Variants in DRC9 observed in about 807,000 individuals in gnomAD.
The protein encoded by DRC9 is dynein regulatory complex protein 9.
the DRC9 span, among the ~76,000 whole-genome samples, chr3:197,952,888 A>G: frequency 6.6e-6 from 1 of 151,194 alleles, no homozygotes; most frequent in Non-Finnish European, 1.5e-5. Context: ...GCTGGAGTGC[A>G]GTGGTGTGAT....
At chr3:197,943,757 T>G in the DRC9 span, 1 of 1,595,186 alleles carries the variant, frequency 6.3e-7, no homozygotes, top group African/African-American at 1.3e-5. Context: ...CAAAATTAAC[T>G]CATGGTGAGT....
At chr3:197,893,357 CAAAAA>C in the DRC9 span, among the ~76,000 whole-genome samples, 2 of 43,276 alleles carry the variant, frequency 4.6e-5, no homozygotes, top group African/African-American at 2.0e-4. Context: ...AACTCCGTCT[CAAAAA>C]AAAAAAAAAA....
the DRC9 span, among the ~76,000 whole-genome samples, chr3:197,934,309 C>T: frequency 6.6e-5 from 10 of 150,622 alleles, no homozygotes; most frequent in Non-Finnish European, 1.2e-4. Context: ...CTCAGCCTCC[C>T]GAGGAGCTGG....
At chr3:197,944,824 G>A in the DRC9 span, among the ~76,000 whole-genome samples, 1 of 151,722 alleles carries the variant, frequency 6.6e-6, no homozygotes, top group Non-Finnish European at 1.5e-5. Flanking sequence ...CAGGTGATCT[G>A]CCCAACTCAG....
chr3:197,910,030 T>G, the DRC9 span, among the ~76,000 whole-genome samples: 42 of 151,998 alleles, frequency 2.8e-4, no homozygotes, highest in Non-Finnish European at 4.7e-4. Flanking sequence ...AGAATAGGTA[T>G]GTTTTTAGGT....
the DRC9 span, among the ~76,000 whole-genome samples, chr3:197,944,512 G>T: frequency 6.6e-6 from 1 of 151,330 alleles, no homozygotes. Flanking sequence ...GCAGTAGCGC[G>T]ATCTTGGCTC....
the DRC9 span, chr3:197,938,469 G>A: frequency 1.3e-5 from 13 of 964,936 alleles, no homozygotes; most frequent in African/African-American, 1.3e-4. Flanking sequence ...GTAGACGATA[G>A]CAGTCAGCCA....
chr3:197,932,867 A>ATAATATACATTATATATGTG, the DRC9 span, among the ~76,000 whole-genome samples: 1 of 136,974 alleles, frequency 7.3e-6, no homozygotes, highest in African/African-American at 2.8e-5. Context: ...TTATATATGT[A>ATAATATACATTATATATGTG]TAATATATAT....
chr3:197,891,856 G>A, the DRC9 span, among the ~76,000 whole-genome samples: 3 of 152,270 alleles, frequency 2.0e-5, no homozygotes, highest in African/African-American at 4.8e-5. Context: ...TTGGGAGAAT[G>A]TACATACACA....
At chr3:197,953,944 T>C in the DRC9 span, 1 of 1,595,802 alleles carries the variant, frequency 6.3e-7, no homozygotes, top group African/African-American at 1.3e-5. Flanking sequence ...AGAGGTCACC[T>C]TGAATTTGTA....
chr3:197,949,985 C>T, the DRC9 span: 5 of 560,570 alleles, frequency 8.9e-6, no homozygotes, highest in African/African-American at 5.8e-5. Flanking sequence ...ATTTTGCCTT[C>T]CCTTGTTCCC....
the DRC9 span, among the ~76,000 whole-genome samples, chr3:197,926,883 CCT>C: frequency 6.6e-6 from 1 of 152,166 alleles, no homozygotes; most frequent in Admixed American, 6.5e-5. Flanking sequence ...AGATCTTTCC[CCT>C]GATAAAATCT....
chr3:197,892,519 C>G, the DRC9 span: 11 of 1,332,326 alleles, frequency 8.3e-6, no homozygotes, highest in Non-Finnish European at 1.1e-5. Context: ...CACCCTGATT[C>G]CTTCCACTCC....
the DRC9 span, among the ~76,000 whole-genome samples, chr3:197,927,901 G>C: frequency 7.9e-6 from 1 of 127,374 alleles, no homozygotes; most frequent in Non-Finnish European, 1.6e-5. Flanking sequence ...GGTGGGAGTT[G>C]AACAATGAGA....
the DRC9 span, among the ~76,000 whole-genome samples, chr3:197,892,424 G>C: frequency 2.0e-5 from 3 of 152,150 alleles, no homozygotes; most frequent in African/African-American, 7.2e-5. Context: ...AAGAATCCTG[G>C]TGGCTTATAA....
the DRC9 span, among the ~76,000 whole-genome samples, chr3:197,905,458 A>T: frequency 6.6e-6 from 1 of 152,168 alleles, no homozygotes; most frequent in African/African-American, 2.4e-5. Context: ...CTATTAAAGG[A>T]ATAACAGGCC....
chr3:197,908,589 C>T, the DRC9 span, among the ~76,000 whole-genome samples: 1 of 150,258 alleles, frequency 6.7e-6, no homozygotes, highest in Non-Finnish European at 1.5e-5. Flanking sequence ...GAGCAAGCAA[C>T]CCTTTCCAAG....
chr3:197,890,058 A>T, the DRC9 span, among the ~76,000 whole-genome samples: 3 of 152,190 alleles, frequency 2.0e-5, no homozygotes, highest in Non-Finnish European at 4.4e-5. Context: ...AACCAAAAAG[A>T]ATGTTAGTTA....
chr3:197,925,300 G>T, the DRC9 span, among the ~76,000 whole-genome samples: 2 of 109,510 alleles, frequency 1.8e-5, no homozygotes, highest in South Asian at 3.8e-4. Context: ...TGTATGTGGG[G>T]TGGGATATGA....
Sources: allele counts gnomAD v4.1 joint callset (sites outside exome capture counted in the v4.1 genomes callset), GRCh38; gene constraint gnomAD v4.1.1; transcripts MANE v1.5; gene names NCBI Gene and HGNC (gene_info 2026-07-23, HGNC 2026-07-21).